SH3RF2: variants seen among roughly 807,000 people sequenced by gnomAD.
SH3RF2 encodes the protein SH3 domain containing ring finger 2.
In SH3RF2, 43 loss-of-function variants were observed where a neutral mutation model predicts 59.0. That is an observed-to-expected ratio of 0.73 (90% CI 0.57 to 0.94). The LOEUF is 0.94. SH3RF2 is among the 40% of genes least tolerant of loss of function. The probability of loss-of-function intolerance (pLI) is 0.00; values close to 1 mark genes in which losing one functional copy is unlikely to be tolerated. For synonymous variants in SH3RF2, 391 were observed against 391.5 expected (o/e 1.00, Z 0.01); for missense variants, 930 against 940.1 (o/e 0.99, Z 0.14).
intron 5 of SH3RF2, among the ~76,000 whole-genome samples, chr5:146,016,491 T>C (rs990240005): frequency 6.6e-5 from 10 of 152,118 alleles, no homozygotes; most frequent in African/African-American, 2.4e-4. Context: ...TTACTCTCAG[T>C]CTCCTAAGCC....
chr5:146,058,313 T>C (rs1762756316), intron 8 of SH3RF2, among the ~76,000 whole-genome samples: 1 of 152,156 alleles, frequency 6.6e-6, no homozygotes, highest in South Asian at 2.1e-4. Context: ...TTTCTCTTTC[T>C]CTCTTTTCCC....
intron 2 of SH3RF2, among the ~76,000 whole-genome samples, chr5:145,967,447 G>A (rs1285321590): frequency 6.6e-6 from 1 of 152,182 alleles, no homozygotes; most frequent in East Asian, 1.9e-4. Context: ...GATCCCATGA[G>A]TAGGTATTAT....
At chr5:145,980,939 T>C (rs1759484111) in intron 2 of SH3RF2, among the ~76,000 whole-genome samples, 3 of 152,152 alleles carry the variant, frequency 2.0e-5, no homozygotes, top group Non-Finnish European at 4.4e-5. Context: ...TGAGGCAAAG[T>C]CCACACATCA....
intron 5 of SH3RF2, among the ~76,000 whole-genome samples, chr5:146,042,432 C>A (rs912778998): frequency 1.3e-5 from 2 of 152,162 alleles, no homozygotes; most frequent in Admixed American, 6.5e-5. Context: ...CTTTATTTAA[C>A]CCTCATAACA....
downstream of SH3RF2, among the ~76,000 whole-genome samples, chr5:146,066,091 T>A (rs1763097773): frequency 6.6e-6 from 1 of 152,196 alleles, no homozygotes; most frequent in Non-Finnish European, 1.5e-5. Flanking sequence ...AACTGAAGCT[T>A]GAAAGTTAAC....
intron 4 of SH3RF2, among the ~76,000 whole-genome samples, chr5:146,012,619 G>A (rs1012521344): frequency 4.6e-5 from 7 of 152,070 alleles, no homozygotes; most frequent in Non-Finnish European, 1.0e-4. Flanking sequence ...AATGAGATAC[G>A]GTTTTAGAGG....
intron 9 of SH3RF2, among the ~76,000 whole-genome samples, chr5:146,069,652 C>A (rs1470372055): frequency 2.6e-5 from 4 of 152,184 alleles, no homozygotes; most frequent in Non-Finnish European, 4.4e-5. Flanking sequence ...CGGCTCACTG[C>A]ACCCTCAACA....
chr5:145,949,957 C>T (rs1255873937), intron 2 of SH3RF2, among the ~76,000 whole-genome samples: 1 of 152,146 alleles, frequency 6.6e-6, no homozygotes, highest in Non-Finnish European at 1.5e-5. Context: ...CTTCCCATTC[C>T]AGTTGCTATC....
intron 7 of SH3RF2, among the ~76,000 whole-genome samples, chr5:146,051,818 C>T (rs1033166929): frequency 2.1e-4 from 32 of 152,102 alleles, no homozygotes; most frequent in Non-Finnish European, 3.8e-4. Flanking sequence ...AGCCCTGAAA[C>T]GAGATGAGAT....
At chr5:145,936,969 G>C (rs1002980404) in intron 1 of SH3RF2, 1 of 152,136 alleles carries the variant, frequency 6.6e-6, no homozygotes, top group Non-Finnish European at 1.5e-5. Context: ...AACAAGTACT[G>C]TTTTCAGAGT....
intron 4 of SH3RF2, among the ~76,000 whole-genome samples, chr5:146,009,995 A>T (rs1490091335): frequency 1.8e-4 from 27 of 152,138 alleles, no homozygotes; most frequent in Admixed American, 1.8e-3. Flanking sequence ...CGTCATTTAC[A>T]TTAGGTATAT....
At chr5:146,080,682 T>A (rs939585229) in exon 10 of SH3RF2, 1 of 152,204 alleles carries the variant, frequency 6.6e-6, no homozygotes, top group Non-Finnish European at 1.5e-5. Context: ...TTTGTAATAA[T>A]CCGTATGGAT....
intron 2 of SH3RF2, among the ~76,000 whole-genome samples, chr5:145,945,791 C>A (rs956613626): frequency 6.6e-6 from 1 of 152,164 alleles, no homozygotes; most frequent in African/African-American, 2.4e-5. Context: ...GTCTCTCCAG[C>A]AGCCCTCATG....
intron 5 of SH3RF2, among the ~76,000 whole-genome samples, chr5:146,036,800 T>G (rs543948172): frequency 6.6e-6 from 1 of 152,366 alleles, no homozygotes; most frequent in East Asian, 1.9e-4. Flanking sequence ...GGTTGCATTT[T>G]CTGCTTTTTC....
intron 5 of SH3RF2, among the ~76,000 whole-genome samples, chr5:146,024,672 T>A (rs1761462720): frequency 6.6e-6 from 1 of 152,188 alleles, no homozygotes; most frequent in African/African-American, 2.4e-5. Flanking sequence ...TCTAAGAGCT[T>A]ACAGTTTTTA....
chr5:146,057,980 C>CTATATATATATATATA (rs1196213101), intron 8 of SH3RF2, among the ~76,000 whole-genome samples: 12 of 129,336 alleles, frequency 9.3e-5, no homozygotes, highest in African/African-American at 3.1e-4. Context: ...ATCTATCTAT[C>CTATATATATATATATA]TATCTATATA....
At chr5:146,048,968 T>C in intron 6 of SH3RF2, 107 bp from the exon 7 acceptor site, 2 of 1,340,988 alleles carry the variant, frequency 1.5e-6, no homozygotes, top group Non-Finnish European at 2.1e-6. Flanking sequence ...ACCAAGAAGG[T>C]TCTTATTGCT....
At chr5:145,949,484 G>A (rs1272239214) in intron 2 of SH3RF2, among the ~76,000 whole-genome samples, 1 of 152,282 alleles carries the variant, frequency 6.6e-6, no homozygotes, top group East Asian at 1.9e-4. Context: ...ATCTTATCTG[G>A]GACTTTTGCT....
At chr5:145,996,155 A>C (rs866916397) in intron 2 of SH3RF2, among the ~76,000 whole-genome samples, 2 of 152,178 alleles carry the variant, frequency 1.3e-5, no homozygotes, top group Admixed American at 1.3e-4. Context: ...TATCTCTACC[A>C]CTAAGCTGCT....
Sources: allele counts gnomAD v4.1 joint callset (sites outside exome capture counted in the v4.1 genomes callset), GRCh38; gene constraint gnomAD v4.1.1; transcripts MANE v1.5; gene names NCBI Gene and HGNC (gene_info 2026-07-23, HGNC 2026-07-21).